ALMS1: variants seen among roughly 807,000 people sequenced by gnomAD.
ALMS1 encodes the protein ALMS1 centrosome and basal body associated protein.
ALMS1 carries 271 observed loss-of-function variants against 352.2 expected under a neutral mutation model. The ratio of observed to expected loss-of-function variants is 0.77; its 90% CI spans 0.70 to 0.85. The LOEUF (loss-of-function observed/expected upper bound fraction) is 0.85, where lower values mean the gene tolerates loss of function less well. Ranked by LOEUF, ALMS1 falls within the 40% of genes least tolerant of loss-of-function variation. The probability of loss-of-function intolerance (pLI) is 0.00; values close to 1 mark genes in which losing one functional copy is unlikely to be tolerated. For missense variants in ALMS1, 5,445 were observed against 4,870.7 expected (o/e 1.12, Z -3.51); for synonymous variants, 1,865 against 1,761.2 (o/e 1.06, Z -1.48).
intron 10 of ALMS1, among the ~76,000 whole-genome samples, chr2:73,519,357 G>A (rs1040772488): frequency 7.2e-5 from 11 of 152,208 alleles, no homozygotes; most frequent in African/African-American, 2.6e-4. Flanking sequence ...AGATATAACT[G>A]CAACCTTGAA....
At chr2:73,520,085 G>C in intron 11 of ALMS1, 69 bp downstream of exon 11, 1 of 1,601,096 alleles carries the variant, frequency 6.2e-7, no homozygotes, top group Non-Finnish European at 8.5e-7. Context: ...AGAAATTTGT[G>C]GTTGTGTCTT....
At chr2:73,580,706 C>G (rs1335196701) in intron 16 of ALMS1, among the ~76,000 whole-genome samples, 1 of 152,148 alleles carries the variant, frequency 6.6e-6, no homozygotes, top group East Asian at 1.9e-4. Context: ...AGATTTTCCT[C>G]CCCTTCTCTA....
intron 16 of ALMS1, among the ~76,000 whole-genome samples, chr2:73,580,714 C>G (rs1027563055): frequency 6.6e-6 from 1 of 152,124 alleles, no homozygotes; most frequent in Admixed American, 6.5e-5. Context: ...CTCCCCTTCT[C>G]TAGGGTTTGT....
intron 9 of ALMS1, among the ~76,000 whole-genome samples, chr2:73,462,015 A>C (rs1313469345): frequency 6.6e-6 from 1 of 151,954 alleles, no homozygotes; most frequent in African/African-American, 2.4e-5. Flanking sequence ...AATGGAACCA[A>C]GTTGGAAAAC....
At position 73,450,925 on chromosome 2, in the gene ALMS1, T is replaced by A. The variant is rs762342999; in HGVS notation, c.4398T>A (p.Ile1466=). Residue 1466 remains isoleucine (I), a synonymous_variant, in exon 8 of 23, where the codon ATT becomes ATA. Coordinates refer to ENST00000613296, the MANE Select transcript of ALMS1 (RefSeq NM_001378454.1). ...SVAPGPVDQT[I]GTPTVTSPSS... ...CTCCTGGACCAGTTGACCAGACGAT[T>A]GGCACACCAACTGTAACCTCCCCTT... 5.6e-6 allele frequency: 9 copies of A among 1,614,066 alleles called. No homozygotes were observed. Among genetic ancestry groups the A allele is most frequent in the Non-Finnish European group, 7.6e-6 (9 of 1,179,952 alleles).
intron 9 of ALMS1, among the ~76,000 whole-genome samples, chr2:73,468,556 A>G (rs1249240432): frequency 6.6e-6 from 1 of 152,056 alleles, no homozygotes; most frequent in Non-Finnish European, 1.5e-5. Context: ...CTGTCTTCCC[A>G]TCTGCCCCAG....
Position 73,448,415 on chromosome 2 carries a change from A to G in ALMS1, c.1888A>G (p.Thr630Ala). The G allele has an allele frequency of 6.2e-7, 1 of 1,614,012 alleles. No homozygotes were observed. The highest frequency in any genetic ancestry group is 1.1e-5 in the South Asian group (1 of 91,082). Reference sequence around the variant, plus strand: ...CTACTCACATAGAGAGAAGCCTGGTACTTTTTACCAACAAGAGTTACCAGA... The same window carrying G: ...CTACTCACATAGAGAGAAGCCTGGTGCTTTTTACCAACAAGAGTTACCAGA... ...TSYSHREKPG[T>A]FYQQELPESN... Residue 630 changes from threonine (T) to alanine (A), a missense_variant, in exon 8 of 23, where the codon ACT becomes GCT. Transcript: ENST00000613296.
intron 16 of ALMS1, among the ~76,000 whole-genome samples, chr2:73,596,860 C>CTTTTTTTT (rs70965740): frequency 1.4e-4 from 15 of 104,242 alleles, no homozygotes; most frequent in Admixed American, 2.4e-4. Context: ...CCCTCTACCT[C>CTTTTTTTT]TTTTTTTTTT....
intron 16 of ALMS1, among the ~76,000 whole-genome samples, chr2:73,595,045 T>C (rs1192891916): frequency 1.3e-5 from 2 of 152,196 alleles, no homozygotes; most frequent in Non-Finnish European, 2.9e-5. Flanking sequence ...TTAAATCTTT[T>C]CTGCCACACC....
chr2:73,417,524 C>A, intron 2 of ALMS1, among the ~76,000 whole-genome samples: 1 of 152,116 alleles, frequency 6.6e-6, no homozygotes, highest in East Asian at 1.9e-4. Flanking sequence ...AACATTTAAA[C>A]GTCTGATCTA....
intron 12 of ALMS1, among the ~76,000 whole-genome samples, chr2:73,544,141 A>T (rs146698823): frequency 0.04 from 6,093 of 152,336 alleles, 176 homozygotes; most frequent in Non-Finnish European, 0.06. Context: ...GATAGACTGG[A>T]TTAATTAAAT....
intron 15 of ALMS1, among the ~76,000 whole-genome samples, chr2:73,563,816 CAG>C (rs899790733): frequency 7.4e-5 from 11 of 148,272 alleles, no homozygotes; most frequent in Non-Finnish European, 1.0e-4. Flanking sequence ...AGGTGCTTAA[CAG>C]GGGGATTGGA....
intron 9 of ALMS1, among the ~76,000 whole-genome samples, chr2:73,465,131 A>C (rs1333674546): frequency 6.7e-6 from 1 of 149,294 alleles, no homozygotes; most frequent in African/African-American, 2.6e-5. Flanking sequence ...GAATTGGAAG[A>C]AACTACTTTA....
rs191091347 is a variant in ALMS1 at position 73,424,826 on chromosome 2, T to C, written c.1161T>C (p.His387=). 7.7e-5 allele frequency: 124 copies of C among 1,609,320 alleles called. No homozygotes were observed. The African/African-American group carries it at 1.4e-3, about 19-fold the overall frequency. Reference sequence around the variant, plus strand: ...ACATAGCTACTAAAAGAAGTGACCATTTTGATGCTGCTCGTTCATATGGGC... The same window carrying C: ...ACATAGCTACTAAAAGAAGTGACCACTTTGATGCTGCTCGTTCATATGGGC... The part of the protein sequence containing the change: ...DENIATKRSD[H]FDAARSYGQY... Residue 387 remains histidine, a synonymous_variant, in exon 5 of 23, where the codon CAT becomes CAC. Coordinates refer to ENST00000613296, the MANE Select transcript of ALMS1 (RefSeq NM_001378454.1).
chr2:73,445,698 TAAA>T lies in ALMS1; in HGVS notation c.1433-2261_1433-2259del, dbSNP rs148083434. Among the ~76,000 whole-genome samples the T allele has an allele frequency of 5.4e-3, 822 of 152,208 alleles. 10 individuals are homozygous for T. Among genetic ancestry groups the T allele is most frequent in the African/African-American group, 0.018 (735 of 41,524 alleles). On this transcript the variant is annotated intron_variant, in intron 7 of 22. Transcript: ENST00000613296. ...CTTAGTATGGAGAAGAGTTCTTGAG[TAAA>T]TTGTACCCAGGTTGTTAGTCTTAAT...
intron 17 of ALMS1, among the ~76,000 whole-genome samples, chr2:73,599,820 G>A (rs1175666880): frequency 6.6e-6 from 1 of 152,182 alleles, no homozygotes; most frequent in Admixed American, 6.5e-5. Flanking sequence ...TGAAATGTCT[G>A]CTATAGATAT....
chr2:73,599,496 C>G lies in ALMS1; in HGVS notation c.11643C>G (p.His3881Gln), dbSNP rs1296746698. 6.2e-7 allele frequency: 1 copy of G among 1,613,646 alleles called. No homozygotes were observed. Among genetic ancestry groups the G allele is most frequent in the Non-Finnish European group, 8.5e-7 (1 of 1,179,700 alleles). ...NSTFCNKQNV[H>Q]MLNKGIQAGN... The stretch of plus-strand genomic sequence containing the variant: ...CTTTTTGCAACAAGCAGAATGTACA[C>G]ATGTTAAACAAGGGCATACAAGCAG... The change falls in exon 17 of 23, where the codon CAC becomes CAG. Residue 3881 changes from histidine to glutamine, a missense_variant. By Grantham distance (24) the His-to-Gln change is conservative. Transcript: ENST00000613296.
At chr2:73,463,180 A>T (rs1201597696) in intron 9 of ALMS1, among the ~76,000 whole-genome samples, 5 of 152,362 alleles carry the variant, frequency 3.3e-5, no homozygotes, top group African/African-American at 1.2e-4. Context: ...CACCGCACCT[A>T]TTCCAAAACT....
intron 1 of ALMS1, among the ~76,000 whole-genome samples, chr2:73,407,733 T>G (rs947572846): frequency 2.6e-5 from 4 of 152,194 alleles, no homozygotes; most frequent in Admixed American, 6.5e-5. Flanking sequence ...AATTCTTGTA[T>G]TTTTAGTAGA....
Sources: gnomAD v4.1 joint callset for allele counts (sites outside exome capture counted in the v4.1 genomes callset) on GRCh38, gnomAD v4.1.1 for gene constraint, MANE v1.5 for transcripts, NCBI Gene and HGNC (gene_info 2026-07-23, HGNC 2026-07-21) for gene names.